Variants in MTMR8 observed in about 807,000 individuals in gnomAD.
MTMR8 encodes phosphatidylinositol-3,5-bisphosphate 3-phosphatase MTMR8.
In MTMR8, 65 loss-of-function variants were observed where a neutral mutation model predicts 39.3. The ratio of observed to expected loss-of-function variants is 1.65; its 90% CI spans 1.35 to 2.03. The LOEUF (loss-of-function observed/expected upper bound fraction) is 2.03, where lower values mean the gene tolerates loss of function less well. Among genes scored for constraint, MTMR8 ranks in the 30% most tolerant of loss-of-function variants. The pLI is 0.00. For missense variants in MTMR8, 777 were observed against 538.9 expected (o/e 1.44, Z -4.37); for synonymous variants, 245 against 185.2 (o/e 1.32, Z -2.62).
At chrX:64,303,858 C>G (rs750312565) in intron 12 of MTMR8, among the ~76,000 whole-genome samples, 1 of 112,110 alleles carries the variant, frequency 8.9e-6, no homozygotes, top group Admixed American at 9.5e-5. Context: ...CCAACAAAAT[C>G]TGAAAATGAA....
chrX:64,271,704 T>A (rs1216661471), intron 12 of MTMR8, among the ~76,000 whole-genome samples: 1 of 112,538 alleles, frequency 8.9e-6, no homozygotes, highest in African/African-American at 3.2e-5. Context: ...CTTCTCCAGG[T>A]GCCACCTGAA....
At chrX:64,286,424 T>C (rs1921179312) in intron 12 of MTMR8, among the ~76,000 whole-genome samples, 1 of 111,699 alleles carries the variant, frequency 9.0e-6, no homozygotes, top group South Asian at 3.8e-4. Flanking sequence ...ACTACTCCAA[T>C]CAACAGAAAA....
chrX:64,321,053 C>A (rs1377514143), intron 12 of MTMR8, among the ~76,000 whole-genome samples: 1 of 111,598 alleles, frequency 9.0e-6, no homozygotes, highest in Non-Finnish European at 1.9e-5. Flanking sequence ...ACAATTACAA[C>A]CCACAACAAG....
intron 1 of MTMR8, among the ~76,000 whole-genome samples, chrX:64,375,187 C>G (rs1295057502): frequency 9.1e-6 from 1 of 109,817 alleles, no homozygotes; most frequent in Non-Finnish European, 1.9e-5. Context: ...ACAGCAAAAC[C>G]CCATCTCTAC....
intron 1 of MTMR8, among the ~76,000 whole-genome samples, chrX:64,387,970 C>T (rs745737556): frequency 1.8e-5 from 2 of 111,012 alleles, no homozygotes; most frequent in Non-Finnish European, 3.8e-5. Flanking sequence ...TTTCTCCACT[C>T]CTGAGCTGTA....
intron 8 of MTMR8, among the ~76,000 whole-genome samples, chrX:64,340,247 A>C (rs1401520848): frequency 8.9e-6 from 1 of 111,844 alleles, no homozygotes; most frequent in Non-Finnish European, 1.9e-5. Flanking sequence ...AGATAGAAGA[A>C]CTATGCTAGC....
chrX:64,373,017 CAA>C (rs1924168843), intron 1 of MTMR8, among the ~76,000 whole-genome samples: 1 of 111,714 alleles, frequency 9.0e-6, no homozygotes, highest in South Asian at 3.7e-4. Context: ...AAAGTGGGAA[CAA>C]AGAGAGATGA....
intron 12 of MTMR8, among the ~76,000 whole-genome samples, chrX:64,287,215 T>C (rs1921215336): frequency 1.8e-5 from 2 of 111,350 alleles, no homozygotes; most frequent in South Asian, 3.8e-4. Context: ...CCATTCACAA[T>C]TGCTTCAAAG....
In MTMR8 at chrX:64,317,483, C is replaced by T. The variant is rs374151536; in HGVS notation, c.1481+11289G>A. ...CTTTCCCTTCCACTCTGCTGTTGAG[C>T]TGATCCATTTAGTTTTCTTCATTTC... On this transcript the variant is annotated intron_variant, in intron 12 of 13. Coordinates refer to ENST00000374852, the MANE Select transcript of MTMR8 (RefSeq NM_017677.4). Among the ~76,000 whole-genome samples, 3 of 111,796 alleles carry T rather than the reference C, an allele frequency of 2.7e-5. No individual in the cohort carries two copies. The East Asian group carries it at 8.4e-4, about 31-fold the overall frequency.
At chrX:64,284,095 C>T (rs1400517216) in intron 12 of MTMR8, among the ~76,000 whole-genome samples, 1 of 111,341 alleles carries the variant, frequency 9.0e-6, no homozygotes, top group Non-Finnish European at 1.9e-5. Flanking sequence ...AGATGAATGG[C>T]TAACTAGAAT....
chrX:64,380,687 A>G (rs137874681), intron 1 of MTMR8, among the ~76,000 whole-genome samples: 1,579 of 111,746 alleles, frequency 0.014, 36 homozygotes, highest in African/African-American at 0.047. Context: ...TTGGTGTGCT[A>G]CACCCAGTAA....
intron 12 of MTMR8, among the ~76,000 whole-genome samples, chrX:64,320,029 T>C (rs1418476126): frequency 9.0e-5 from 10 of 111,697 alleles, no homozygotes; most frequent in South Asian, 3.8e-4. Context: ...ATTCTTGCTA[T>C]CCATGAGCAT....
At chrX:64,327,388 C>G (rs1394992366) in intron 12 of MTMR8, among the ~76,000 whole-genome samples, 1 of 111,603 alleles carries the variant, frequency 9.0e-6, no homozygotes, top group African/African-American at 3.2e-5. Flanking sequence ...AGATACTTTT[C>G]AAAAGAAGAT....
At chrX:64,334,469 G>A (rs1829294665) in intron 10 of MTMR8, among the ~76,000 whole-genome samples, 1 of 106,107 alleles carries the variant, frequency 9.4e-6, no homozygotes, top group African/African-American at 3.4e-5. Flanking sequence ...GCTGTCAGAG[G>A]GATATTTGTA....
intron 12 of MTMR8, among the ~76,000 whole-genome samples, chrX:64,327,711 C>T (rs770229882): frequency 1.8e-5 from 2 of 112,331 alleles, no homozygotes; most frequent in South Asian, 3.7e-4. Context: ...GTCATTGTGT[C>T]GAACAGATAT....
At chrX:64,354,194 A>G (rs1458339862) in intron 4 of MTMR8, among the ~76,000 whole-genome samples, 1 of 109,439 alleles carries the variant, frequency 9.1e-6, no homozygotes, top group African/African-American at 3.3e-5. Context: ...GGGGGGATAA[A>G]AAGAGGATCC....
intron 12 of MTMR8, among the ~76,000 whole-genome samples, chrX:64,308,106 C>G (rs931925608): frequency 9.0e-6 from 1 of 110,909 alleles, no homozygotes; most frequent in Non-Finnish European, 1.9e-5. Context: ...ACATATGTAA[C>G]AAACCTGCAC....
intron 12 of MTMR8, among the ~76,000 whole-genome samples, chrX:64,291,594 T>C (rs1921399107): frequency 2.7e-5 from 3 of 111,103 alleles, no homozygotes; most frequent in Admixed American, 9.7e-5. Context: ...TGATCAGTCC[T>C]GAAATCCCTC....
intron 1 of MTMR8, among the ~76,000 whole-genome samples, chrX:64,367,912 T>A (rs1252348993): frequency 8.9e-6 from 1 of 111,852 alleles, no homozygotes; most frequent in East Asian, 2.8e-4. Context: ...TTCAGCAAGG[T>A]CTCAGGATAC....
Sources: gnomAD v4.1 joint callset for allele counts (sites outside exome capture counted in the v4.1 genomes callset) on GRCh38, gnomAD v4.1.1 for gene constraint, MANE v1.5 for transcripts, NCBI Gene and HGNC (gene_info 2026-07-23, HGNC 2026-07-21) for gene names.